Variants in SRRM4 observed in about 807,000 individuals in gnomAD.
SRRM4 encodes the protein serine/arginine repetitive matrix protein 4.
A neutral mutation model predicts 68.9 loss-of-function variants in SRRM4; 33 were observed. That is an observed-to-expected ratio of 0.48 (90% CI 0.36 to 0.64). The LOEUF is 0.64. Among genes scored for constraint, SRRM4 ranks in the 30% least tolerant of loss-of-function variants. The pLI is 0.00. For missense variants in SRRM4, 817 were observed against 827.1 expected, an observed-to-expected ratio of 0.99 and a Z score of 0.15; for synonymous variants, 318 against 318.8, an observed-to-expected ratio of 1.00 and a Z score of 0.03.
intron 1 of SRRM4, among the ~76,000 whole-genome samples, chr12:119,031,525 A>T (rs1007849182): frequency 7.2e-5 from 11 of 152,184 alleles, no homozygotes; most frequent in Admixed American, 7.2e-4. Context: ...GAGTATGCCT[A>T]CTACATTCTA....
At chr12:119,152,964 T>C (rs1167263418) in intron 10 of SRRM4, among the ~76,000 whole-genome samples, 1 of 152,200 alleles carries the variant, frequency 6.6e-6, no homozygotes, top group African/African-American at 2.4e-5. Flanking sequence ...TGGGTTCACA[T>C]CTCTTACCAG....
intron 1 of SRRM4, among the ~76,000 whole-genome samples, chr12:119,094,036 T>G (rs1433904294): frequency 6.6e-6 from 1 of 152,100 alleles, no homozygotes; most frequent in Non-Finnish European, 1.5e-5. Flanking sequence ...TGAGCTGATT[T>G]TTCTCCACAT....
intron 8 of SRRM4, among the ~76,000 whole-genome samples, chr12:119,140,233 CTGGGCGTGG>C (rs1336825854): frequency 3.3e-5 from 5 of 152,082 alleles, no homozygotes; most frequent in Non-Finnish European, 7.4e-5. Flanking sequence ...AAAAAATTAC[CTGGGCGTGG>C]TGGCAGGCAC....
intron 3 of SRRM4, among the ~76,000 whole-genome samples, chr12:119,116,439 G>A (rs1954180276): frequency 6.6e-6 from 1 of 152,204 alleles, no homozygotes; most frequent in Non-Finnish European, 1.5e-5. Context: ...GAGACTTTGA[G>A]AGGAGGGTTG....
chr12:119,036,078 C>T (rs1245690732), intron 1 of SRRM4, among the ~76,000 whole-genome samples: 1 of 152,106 alleles, frequency 6.6e-6, no homozygotes, highest in Non-Finnish European at 1.5e-5. Flanking sequence ...ATAGATGGAG[C>T]CAATGATATC....
intron 1 of SRRM4, among the ~76,000 whole-genome samples, chr12:119,034,795 T>C (rs1235077916): frequency 6.6e-6 from 1 of 152,208 alleles, no homozygotes; most frequent in Admixed American, 6.5e-5. Flanking sequence ...CTGGTTCTTT[T>C]GGTGTGTCTG....
chr12:119,062,914 C>A (rs1256144739), intron 1 of SRRM4, among the ~76,000 whole-genome samples: 1 of 152,166 alleles, frequency 6.6e-6, no homozygotes, highest in African/African-American at 2.4e-5. Flanking sequence ...ATTAATATTA[C>A]CTTATGGGGT....
At chr12:119,048,940 G>T (rs564125961) in intron 1 of SRRM4, among the ~76,000 whole-genome samples, 1 of 152,216 alleles carries the variant, frequency 6.6e-6, no homozygotes, top group African/African-American at 2.4e-5. Context: ...AATAATAACA[G>T]CAATTGCATC....
chr12:119,080,200 C>T (rs1004769379), intron 1 of SRRM4, among the ~76,000 whole-genome samples: 2 of 121,522 alleles, frequency 1.6e-5, no homozygotes, highest in African/African-American at 3.2e-5. Flanking sequence ...GTTGGTTTTA[C>T]ATCTTTGAAA....
At position 119,127,017 on chromosome 12, in the gene SRRM4, C is replaced by T. The variant is rs1042418578; in HGVS notation, c.614+1538C>T. Among the ~76,000 whole-genome samples the T allele has an allele frequency of 4.2e-5, 6 of 144,360 alleles. No individual in the cohort carries two copies. In the Admixed American group the frequency reaches 4.2e-4, roughly 10 times the overall value. The allele number at this position is 144,360 out of a possible 152,430, so 94.7% of individuals were successfully genotyped here. ...AGGTGGGAACTGAACAGTGAGAACACATGGACACAGGAAGGGGAACATCAT... is the reference window on the plus strand; with the variant it reads ...AGGTGGGAACTGAACAGTGAGAACATATGGACACAGGAAGGGGAACATCAT... On this transcript the variant is annotated intron_variant, in intron 7 of 12. Coordinates refer to ENST00000267260, the MANE Select transcript of SRRM4 (RefSeq NM_194286.4).
At chr12:119,059,491 C>T (rs922818221) in intron 1 of SRRM4, among the ~76,000 whole-genome samples, 2 of 151,990 alleles carry the variant, frequency 1.3e-5, no homozygotes, top group South Asian at 4.1e-4. Context: ...TTGGCCATGA[C>T]CAGGAAAGAA....
intron 1 of SRRM4, among the ~76,000 whole-genome samples, chr12:119,029,425 T>C (rs1953572194): frequency 1.3e-5 from 2 of 152,158 alleles, no homozygotes; most frequent in African/African-American, 4.8e-5. Flanking sequence ...AGGTGAAAAT[T>C]CCAAGCTAAT....
At chr12:119,041,833 G>A (rs1436548828) in intron 1 of SRRM4, among the ~76,000 whole-genome samples, 1 of 152,056 alleles carries the variant, frequency 6.6e-6, no homozygotes. Context: ...AGGGTGATGA[G>A]CATTCTCAGT....
chr12:119,106,501 G>C (rs538849931), intron 2 of SRRM4, among the ~76,000 whole-genome samples: 1 of 152,004 alleles, frequency 6.6e-6, no homozygotes. Flanking sequence ...GTGGTTTGTA[G>C]TTCTCCTTGA....
chr12:119,122,935 C>T (rs1422527073), intron 6 of SRRM4, among the ~76,000 whole-genome samples: 1 of 152,314 alleles, frequency 6.6e-6, no homozygotes, highest in Non-Finnish European at 1.5e-5. Context: ...CAGTTTATAG[C>T]TGGTAGTAGA....
chr12:119,134,012 A>T lies in SRRM4; in HGVS notation c.771+3178A>T, dbSNP rs368714734. The stretch of plus-strand genomic sequence containing the variant: ...TAAGGGTGAGCCAATGAAGGGGGAA[A>T]ATAAAGACTAGAGTTGAGGGTTGAG... On this transcript the variant is annotated intron_variant, in intron 8 of 12. Coordinates refer to ENST00000267260, the MANE Select transcript of SRRM4 (RefSeq NM_194286.4). Among the ~76,000 whole-genome samples the T allele has an allele frequency of 2.6e-5, 4 of 152,260 alleles. No homozygotes were observed. The East Asian group carries it at 7.7e-4, about 29-fold the overall frequency.
In SRRM4 at chr12:118,986,813, T is replaced by C. The variant is rs377145625; in HGVS notation, c.131+4800T>C. 1.8e-4 allele frequency among the ~76,000 whole-genome samples: 27 copies of C among 152,220 alleles called. No homozygotes were observed. The South Asian group carries it at 2.9e-3, about 16-fold the overall frequency. ...AAAAAAGGGAACATCCCTAAAACCC[T>C]AACTCCTTTAATAGGGAAGGAAGCC... On this transcript the variant is annotated intron_variant, in intron 1 of 12. Coordinates refer to ENST00000267260, the MANE Select transcript of SRRM4 (RefSeq NM_194286.4).
At chr12:118,998,739 A>G (rs749864574) in intron 1 of SRRM4, among the ~76,000 whole-genome samples, 5 of 152,236 alleles carry the variant, frequency 3.3e-5, no homozygotes, top group African/African-American at 1.2e-4. Flanking sequence ...AATTAGGTTG[A>G]TCAATAGAAA....
intron 1 of SRRM4, among the ~76,000 whole-genome samples, chr12:119,063,445 T>G (rs1315520984): frequency 6.6e-6 from 1 of 152,164 alleles, no homozygotes; most frequent in Non-Finnish European, 1.5e-5. Flanking sequence ...CAAAACTGAA[T>G]GAATCATCTA....
Sources: gnomAD v4.1 joint callset for allele counts (sites outside exome capture counted in the v4.1 genomes callset) on GRCh38, gnomAD v4.1.1 for gene constraint, MANE v1.5 for transcripts, NCBI Gene and HGNC (gene_info 2026-07-23, HGNC 2026-07-21) for gene names.